Variants in HS3ST2 observed in about 807,000 individuals in gnomAD.
The protein encoded by HS3ST2 is heparan sulfate glucosamine 3-O-sulfotransferase 2.
In HS3ST2, 17 loss-of-function variants were observed where a neutral mutation model predicts 26.3. The ratio of observed to expected loss-of-function variants is 0.65; its 90% confidence interval spans 0.44 to 0.97. The LOEUF (loss-of-function observed/expected upper bound fraction) is 0.97. HS3ST2 is among the 50% of genes least tolerant of loss of function. The pLI is 0.00. For synonymous variants in HS3ST2, 237 were observed against 219.2 expected, an observed-to-expected ratio of 1.08 and a Z score of -0.72; for missense variants, 402 against 501.2, an observed-to-expected ratio of 0.80 and a Z score of 1.89.
At chr16:22,898,985 C>G (rs567496791) in intron 1 of HS3ST2, among the ~76,000 whole-genome samples, 4 of 152,168 alleles carry the variant, frequency 2.6e-5, no homozygotes, top group African/African-American at 4.8e-5. Flanking sequence ...GCAATTGGAT[C>G]ACCTCCAACT....
At chr16:22,907,849 G>T (rs559236907) in intron 1 of HS3ST2, among the ~76,000 whole-genome samples, 1 of 152,312 alleles carries the variant, frequency 6.6e-6, no homozygotes, top group African/African-American at 2.4e-5. Flanking sequence ...TAGAATGACA[G>T]AAGTGGGCCC....
chr16:22,875,068 C>G (rs1226868535), intron 1 of HS3ST2, among the ~76,000 whole-genome samples: 1 of 152,048 alleles, frequency 6.6e-6, no homozygotes, highest in Non-Finnish European at 1.5e-5. Flanking sequence ...TAGGCAATTT[C>G]AGTGATATTG....
intron 1 of HS3ST2, among the ~76,000 whole-genome samples, chr16:22,911,274 A>G (rs191543573): frequency 6.6e-6 from 1 of 152,306 alleles, no homozygotes; most frequent in East Asian, 1.9e-4. Context: ...AGGAAAATTG[A>G]TGAGGATGAA....
intron 1 of HS3ST2, among the ~76,000 whole-genome samples, chr16:22,823,434 A>G (rs921072634): frequency 3.9e-5 from 6 of 152,172 alleles, no homozygotes; most frequent in African/African-American, 1.4e-4. Context: ...AAAATTACCA[A>G]GATGAGGCAC....
chr16:22,838,024 GA>G lies in HS3ST2; in HGVS notation c.485+22938del, dbSNP rs112311159. On this transcript the variant is annotated intron_variant, in intron 1 of 1. Transcript: ENST00000261374. The stretch of plus-strand genomic sequence containing the variant: ...AGGTAAAAAATTGTTCTATGTAAGT[GA>G]AAAAAAAAGTGAGTGGAATTCAAAG... Among the ~76,000 whole-genome samples, 19 of 150,480 alleles carry G rather than the reference GA, an allele frequency of 1.3e-4. No homozygotes were observed. In the East Asian group the frequency reaches 2.9e-3, roughly 23 times the overall value.
Position 22,814,201 on chromosome 16 carries a change from C to CGGGCGGCCAGAAACTTCT in HS3ST2, c.-410_-409insGGGCGGCCAGAAACTTCT. 1 of 173,238 alleles carries CGGGCGGCCAGAAACTTCT rather than the reference C, an allele frequency of 5.8e-6. No homozygotes were observed. Among genetic ancestry groups the CGGGCGGCCAGAAACTTCT allele is most frequent in the Non-Finnish European group, 1.2e-5 (1 of 82,718 alleles). 10.7% of individuals were successfully genotyped at this position (173,238 alleles called of 1,614,324 possible). On this transcript the variant is annotated 5_prime_UTR_variant, in exon 1 of 2. Coordinates refer to ENST00000261374, the MANE Select transcript of HS3ST2 (RefSeq NM_006043.2). ...AGCCAGATCGCGGCCGGCGCCAGCG[C>CGGGCGGCCAGAAACTTCT]CACCGTCCGGTCCACCCGCCAGCCC...
chr16:22,871,792 C>T (rs1901842749), intron 1 of HS3ST2, among the ~76,000 whole-genome samples: 1 of 152,230 alleles, frequency 6.6e-6, no homozygotes, highest in Non-Finnish European at 1.5e-5. Flanking sequence ...GCCAGAAAGA[C>T]TCCTACATTG....
chr16:22,853,370 G>C (rs374388610), intron 1 of HS3ST2, among the ~76,000 whole-genome samples: 1 of 152,110 alleles, frequency 6.6e-6, no homozygotes, highest in South Asian at 2.1e-4. Context: ...TATGTTGTTG[G>C]GTGTAACAGT....
At chr16:22,863,531 C>G (rs907211687) in intron 1 of HS3ST2, among the ~76,000 whole-genome samples, 2 of 152,188 alleles carry the variant, frequency 1.3e-5, no homozygotes, top group African/African-American at 4.8e-5. Context: ...GATTCCGTCA[C>G]CCAGAGAGTG....
At chr16:22,887,819 TGTGCATACA>T (rs1902081906) in intron 1 of HS3ST2, among the ~76,000 whole-genome samples, 1 of 151,124 alleles carries the variant, frequency 6.6e-6, no homozygotes, top group Non-Finnish European at 1.5e-5. Context: ...CATGGTTGTA[TGTGCATACA>T]GTCCCAGCTA....
At chr16:22,899,260 G>A (rs886615508) in intron 1 of HS3ST2, among the ~76,000 whole-genome samples, 1 of 152,196 alleles carries the variant, frequency 6.6e-6, no homozygotes, top group African/African-American at 2.4e-5. Context: ...GGGAGGTGGA[G>A]GAGGTTTCAG....
At chr16:22,870,743 G>A (rs1901825742) in intron 1 of HS3ST2, among the ~76,000 whole-genome samples, 1 of 152,056 alleles carries the variant, frequency 6.6e-6, no homozygotes, top group Non-Finnish European at 1.5e-5. Context: ...CCCCTTGTAA[G>A]TCTTTACTCA....
chr16:22,817,578 A>G (rs1393447498), intron 1 of HS3ST2, among the ~76,000 whole-genome samples: 1 of 152,164 alleles, frequency 6.6e-6, no homozygotes, highest in Non-Finnish European at 1.5e-5. Flanking sequence ...TTTAAAACCC[A>G]TGTTCTTACT....
chr16:22,905,566 T>G (rs572175524), intron 1 of HS3ST2, among the ~76,000 whole-genome samples: 27 of 152,304 alleles, frequency 1.8e-4, no homozygotes, highest in African/African-American at 6.5e-4. Context: ...TGCCTCATTG[T>G]TCCAAGATTA....
chr16:22,872,018 C>G (rs1901846246), intron 1 of HS3ST2, among the ~76,000 whole-genome samples: 3 of 152,258 alleles, frequency 2.0e-5, no homozygotes, highest in South Asian at 4.2e-4. Context: ...CTTCTCCAGA[C>G]AGTCTGTTTA....
rs114012734 is a variant in HS3ST2 at position 22,877,909 on chromosome 16, G to T, written c.486-37035G>T. On this transcript the variant is annotated intron_variant, in intron 1 of 1. Transcript: ENST00000261374. ...GATGAATTCTTTCTTGCATAGAGGG[G>T]GATAATGAGGGCTTCTTGGAGGAAG... Among the ~76,000 whole-genome samples the T allele has an allele frequency of 4.2e-3, 633 of 152,258 alleles. 8 individuals carry two copies. Among genetic ancestry groups the T allele is most frequent in the African/African-American group, 0.015 (607 of 41,526 alleles).
chr16:22,857,281 C>T (rs757319835), intron 1 of HS3ST2, among the ~76,000 whole-genome samples: 19 of 152,170 alleles, frequency 1.2e-4, no homozygotes, highest in Admixed American at 3.3e-4. Context: ...TTTCACAAGA[C>T]GCTTCTTGCA....
At chr16:22,826,206 G>A (rs1901083636) in intron 1 of HS3ST2, among the ~76,000 whole-genome samples, 1 of 152,164 alleles carries the variant, frequency 6.6e-6, no homozygotes, top group Non-Finnish European at 1.5e-5. Flanking sequence ...GAGAGAGAAA[G>A]CTCCCAGCAT....
chr16:22,834,458 C>A (rs1164668129), intron 1 of HS3ST2, among the ~76,000 whole-genome samples: 1 of 152,082 alleles, frequency 6.6e-6, no homozygotes, highest in African/African-American at 2.4e-5. Flanking sequence ...TCTACAGAAT[C>A]ATTTTAAATG....
Sources: allele counts gnomAD v4.1 joint callset (sites outside exome capture counted in the v4.1 genomes callset), GRCh38; gene constraint gnomAD v4.1.1; transcripts MANE v1.5; gene names NCBI Gene and HGNC (gene_info 2026-07-23, HGNC 2026-07-21).